The following DPP10 variants were observed in gnomAD, a reference collection of about 807,000 sequenced individuals.
DPP10 encodes the protein inactive dipeptidyl peptidase 10.
In DPP10, 33 loss-of-function variants were observed where a neutral mutation model predicts 120.9. The ratio of observed to expected loss-of-function variants is 0.27; its 90% CI spans 0.21 to 0.37. The LOEUF (loss-of-function observed/expected upper bound fraction) is 0.37, where lower values mean the gene tolerates loss of function less well. DPP10 is among the 10% of genes least tolerant of loss of function. The probability of loss-of-function intolerance (pLI) is 1.00; values close to 1 mark genes in which losing one functional copy is unlikely to be tolerated. For missense variants in DPP10, 816 were observed against 942.8 expected (o/e 0.87, Z 1.76); for synonymous variants, 337 against 326.1 (o/e 1.03, Z -0.36).
intron 1 of DPP10, among the ~76,000 whole-genome samples, chr2:115,056,199 C>G (rs995225091): frequency 2.0e-5 from 3 of 152,182 alleles, no homozygotes; most frequent in Non-Finnish European, 4.4e-5. Context: ...GAGGGTGAGG[C>G]AGGGCATATA....
At chr2:115,189,947 G>C (rs1253955683) in intron 1 of DPP10, among the ~76,000 whole-genome samples, 3 of 152,146 alleles carry the variant, frequency 2.0e-5, no homozygotes, top group Non-Finnish European at 4.4e-5. Flanking sequence ...AGAGCAGTTA[G>C]ACCTTGCAAT....
intron 1 of DPP10, among the ~76,000 whole-genome samples, chr2:114,981,779 G>GTT (rs35685856): frequency 0.26 from 37,965 of 145,690 alleles, 4,816 homozygotes; most frequent in East Asian, 0.36. Context: ...TTTTGTTTTT[G>GTT]TTTTTTTTTT....
Position 115,369,944 on chromosome 2 carries a change from AAATGTGTTAG to A in DPP10, c.271+26034_271+26043del, listed in dbSNP as rs766195863. 8.7e-4 allele frequency among the ~76,000 whole-genome samples: 133 copies of A among 152,222 alleles called. No individual in the cohort carries two copies. In the Middle Eastern group the frequency reaches 0.01, roughly 12 times the overall value. On this transcript the variant is annotated intron_variant, in intron 3 of 25. Transcript: ENST00000410059. ...TGCACAGAGAGCTGCACGTGGAAGA[AAATGTGTTAG>A]ATCAGTTTTCAGATTTGACTGTACA...
At chr2:115,530,069 T>C (rs927683002) in intron 5 of DPP10, among the ~76,000 whole-genome samples, 15 of 152,106 alleles carry the variant, frequency 9.9e-5, no homozygotes, top group African/African-American at 1.4e-4. Flanking sequence ...TTTTTTCTTA[T>C]CAAGGAACAA....
chr2:114,624,254 G>C (rs553157268), intron 1 of DPP10, among the ~76,000 whole-genome samples: 12 of 152,010 alleles, frequency 7.9e-5, no homozygotes, highest in East Asian at 5.8e-4. Context: ...TCTAGGGAGA[G>C]ACTGATGGGT....
At chr2:114,944,414 C>T (rs1483797091) in intron 1 of DPP10, among the ~76,000 whole-genome samples, 1 of 152,074 alleles carries the variant, frequency 6.6e-6, no homozygotes, top group Non-Finnish European at 1.5e-5. Context: ...GAATTTGATT[C>T]ATGCAGTTGT....
At chr2:115,621,625 G>A (rs2084950557) in intron 5 of DPP10, among the ~76,000 whole-genome samples, 1 of 152,096 alleles carries the variant, frequency 6.6e-6, no homozygotes, top group Admixed American at 6.5e-5. Context: ...TTTTTTCACA[G>A]AGGTGTAGAA....
At chr2:114,988,671 T>A (rs1700575462) in intron 1 of DPP10, among the ~76,000 whole-genome samples, 1 of 152,230 alleles carries the variant, frequency 6.6e-6, no homozygotes, top group South Asian at 2.1e-4. Flanking sequence ...CTATGCTTTA[T>A]ATCCATCAGC....
chr2:114,523,199 G>A (rs1470702724), intron 1 of DPP10, among the ~76,000 whole-genome samples: 1 of 152,194 alleles, frequency 6.6e-6, no homozygotes, highest in African/African-American at 2.4e-5. Flanking sequence ...GAGAGTTCTG[G>A]AGCATAAATT....
chr2:115,640,536 A>G (rs987739611), intron 5 of DPP10, among the ~76,000 whole-genome samples: 1 of 152,048 alleles, frequency 6.6e-6, no homozygotes, highest in African/African-American at 2.4e-5. Context: ...GTAAAACCTA[A>G]TATTTTTTGT....
At chr2:114,596,357 T>G (rs1358058578) in intron 1 of DPP10, among the ~76,000 whole-genome samples, 1 of 151,932 alleles carries the variant, frequency 6.6e-6, no homozygotes, top group East Asian at 1.9e-4. Context: ...CTTCACCCTC[T>G]GATGTCTAAA....
At chr2:114,689,100 G>A (rs912984892) in intron 1 of DPP10, among the ~76,000 whole-genome samples, 30 of 151,298 alleles carry the variant, frequency 2.0e-4, no homozygotes, top group African/African-American at 5.6e-4. Context: ...TAAGTTCAGC[G>A]GTACATGTGC....
chr2:114,636,204 A>G (rs1367536876), intron 1 of DPP10, among the ~76,000 whole-genome samples: 1 of 152,036 alleles, frequency 6.6e-6, no homozygotes, highest in African/African-American at 2.4e-5. Flanking sequence ...TCCTTGAAAT[A>G]ATCACTGTGC....
chr2:115,661,327 G>A (rs746223914), intron 5 of DPP10, among the ~76,000 whole-genome samples: 5 of 152,076 alleles, frequency 3.3e-5, no homozygotes, highest in Non-Finnish European at 7.3e-5. Flanking sequence ...TATAGTTCCT[G>A]TATTTCTAAG....
intron 25 of DPP10, among the ~76,000 whole-genome samples, chr2:115,841,601 G>A (rs1279244191): frequency 6.6e-6 from 1 of 152,206 alleles, no homozygotes; most frequent in Non-Finnish European, 1.5e-5. Context: ...CATAAGCAAT[G>A]TTGAGGAGTA....
intron 1 of DPP10, among the ~76,000 whole-genome samples, chr2:115,255,051 G>A (rs773725280): frequency 6.6e-6 from 1 of 152,230 alleles, no homozygotes; most frequent in African/African-American, 2.4e-5. Context: ...GGGGGCTCCA[G>A]TCCCACATTT....
chr2:115,258,572 A>C (rs76043524), intron 1 of DPP10, among the ~76,000 whole-genome samples: 2,056 of 152,328 alleles, frequency 0.013, 39 homozygotes, highest in African/African-American at 0.047. Flanking sequence ...TTGTAATAAT[A>C]AATAAACATG....
intron 1 of DPP10, among the ~76,000 whole-genome samples, chr2:114,753,105 C>G (rs187871054): frequency 6.6e-6 from 1 of 152,106 alleles, no homozygotes; most frequent in Non-Finnish European, 1.5e-5. Context: ...AAGCTCAGTT[C>G]CTTCTGTCAA....
chr2:114,912,931 C>T (rs1238855733), intron 1 of DPP10, among the ~76,000 whole-genome samples: 1 of 152,276 alleles, frequency 6.6e-6, no homozygotes, highest in Admixed American at 6.5e-5. Context: ...AGGATCCCAT[C>T]CTCCAAGGCT....
Sources: gnomAD v4.1 joint callset for allele counts (sites outside exome capture counted in the v4.1 genomes callset) on GRCh38, gnomAD v4.1.1 for gene constraint, MANE v1.5 for transcripts, NCBI Gene and HGNC (gene_info 2026-07-23, HGNC 2026-07-21) for gene names.